Variants in PLXNA4 observed in about 807,000 individuals in gnomAD.
PLXNA4 encodes the protein plexin-A4.
Under a neutral mutation model 191.8 loss-of-function variants are expected in PLXNA4, and 44 were observed. The ratio of observed to expected loss-of-function variants is 0.23; its 90% CI spans 0.18 to 0.29. The LOEUF is 0.29. Ranked by LOEUF, PLXNA4 falls within the 10% of genes least tolerant of loss-of-function variation. PLXNA4 has a pLI of 1.00. For synonymous variants in PLXNA4, 1,082 were observed against 1,009.5 expected (o/e 1.07, Z -1.36); for missense variants, 1,800 against 2,488.8 (o/e 0.72, Z 5.89).
chr7:132,147,793 C>A, intron 27 of PLXNA4, 107 bp downstream of exon 27: 1 of 1,443,928 alleles, frequency 6.9e-7, no homozygotes, highest in Non-Finnish European at 9.5e-7. Flanking sequence ...CTGTCTGATG[C>A]CCCATCTCCC....
intron 3 of PLXNA4, among the ~76,000 whole-genome samples, chr7:132,307,628 C>G (rs1801577089): frequency 6.6e-6 from 1 of 151,960 alleles, no homozygotes; most frequent in South Asian, 2.1e-4. Context: ...GGAAACTGCC[C>G]AGCCAGGCCC....
At chr7:132,441,168 T>G (rs1003679268) in intron 3 of PLXNA4, among the ~76,000 whole-genome samples, 1 of 152,210 alleles carries the variant, frequency 6.6e-6, no homozygotes, top group Non-Finnish European at 1.5e-5. Context: ...GAACTAGAAC[T>G]GAAGTCTCCT....
chr7:132,536,780 A>C (rs115447457), intron 1 of PLXNA4, among the ~76,000 whole-genome samples: 2 of 152,206 alleles, frequency 1.3e-5, no homozygotes, highest in Non-Finnish European at 2.9e-5. Flanking sequence ...TAAGCGAGGA[A>C]ATGCTGCCCT....
chr7:132,578,838 G>T (rs1409124936), upstream of PLXNA4, among the ~76,000 whole-genome samples: 5 of 152,146 alleles, frequency 3.3e-5, no homozygotes, highest in Non-Finnish European at 5.9e-5. Flanking sequence ...AAGCTTACAT[G>T]AATACATTGA....
intron 4 of PLXNA4, among the ~76,000 whole-genome samples, chr7:132,253,317 C>T (rs530193672): frequency 1.3e-4 from 19 of 149,790 alleles, no homozygotes; most frequent in Non-Finnish European, 2.5e-4. Context: ...CTCACTGCAA[C>T]TTCTGCCTCC....
In PLXNA4 at chr7:132,168,159, T is replaced by C. The variant is rs534483767; in HGVS notation, c.4286+145A>G. 1.1e-4 allele frequency: 138 copies of C among 1,216,220 alleles called. No homozygotes were observed. In the East Asian group the frequency reaches 3.6e-3, roughly 32 times the overall value. The allele number at this position is 1,216,220 out of a possible 1,614,324, so 75.3% of individuals were successfully genotyped here. On this transcript the variant is annotated intron_variant, in intron 22 of 31. Transcript: ENST00000321063. ...CAGGTTCTTCTAAGGGGGCCTGCAA[T>C]GTAGTCCTGGCTCTGGGCTAGTTAG...
intron 1 of PLXNA4, among the ~76,000 whole-genome samples, chr7:132,574,508 G>A (rs932046402): frequency 2.0e-5 from 3 of 152,230 alleles, no homozygotes; most frequent in Non-Finnish European, 4.4e-5. Context: ...GCGGGGGCGG[G>A]GAGCTGACCA....
chr7:132,254,251 T>C (rs1316043636), intron 4 of PLXNA4, among the ~76,000 whole-genome samples: 4 of 152,190 alleles, frequency 2.6e-5, no homozygotes, highest in Non-Finnish European at 1.5e-5. Context: ...CTCAAAAAAG[T>C]ACAGTGATAT....
At chr7:132,621,260 GTTTT>G (rs371428336) in intron 2 of PLXNA4, among the ~76,000 whole-genome samples, 50,688 of 131,522 alleles carry the variant, frequency 0.39, 9,332 homozygotes, top group Non-Finnish European at 0.48. Context: ...TTTTTTTTTG[GTTTT>G]TTTGTTTTTT....
Position 132,626,785 on chromosome 7 carries a change from G to C in PLXNA4, c.-87+19143C>G, listed in dbSNP as rs559543401. ...GTCAATCCCTAATGGGATTGCTTCA[G>C]CTGCAGAGAACTGTCTCACTCAAGG... On this transcript the variant is annotated intron_variant, in intron 2 of 4. Transcript: ENST00000378539. Among the ~76,000 whole-genome samples the C allele has an allele frequency of 2.6e-5, 4 of 152,244 alleles. No individual in the cohort carries two copies. The East Asian group carries it at 5.8e-4, about 22-fold the overall frequency.
chr7:132,487,091 C>A (rs1179558975), intron 3 of PLXNA4, among the ~76,000 whole-genome samples: 1 of 152,170 alleles, frequency 6.6e-6, no homozygotes, highest in Admixed American at 6.5e-5. Flanking sequence ...AAACACCTTC[C>A]TTTTTCCAAG....
chr7:132,609,626 A>G (rs1803007861), intron 2 of PLXNA4, among the ~76,000 whole-genome samples: 1 of 152,238 alleles, frequency 6.6e-6, no homozygotes, highest in Non-Finnish European at 1.5e-5. Flanking sequence ...GAATTAGACT[A>G]ATAGATATTA....
rs1794695455 is a variant in PLXNA4, at chr7:132,123,695, G to C, written c.*6784C>G. Reference sequence around the variant, plus strand: ...TTGTTCTAACAAAGGGTCAATGTTCGAGGTGGGAGCTTTAGTTTGAAACAG... The same window carrying C: ...TTGTTCTAACAAAGGGTCAATGTTCCAGGTGGGAGCTTTAGTTTGAAACAG... On this transcript the variant is annotated 3_prime_UTR_variant, in exon 32 of 32. Coordinates refer to ENST00000321063, the MANE Select transcript of PLXNA4 (RefSeq NM_020911.2). 6.6e-6 allele frequency: 1 copy of C among 152,094 alleles called. No homozygotes were observed. The highest frequency in any genetic ancestry group is 2.4e-5 in the African/African-American group (1 of 41,400). 9.4% of individuals were successfully genotyped at this position (152,094 alleles called of 1,614,324 possible). A position where few individuals can be genotyped will look rare whatever the true frequency, so the allele number is the denominator to read the frequency against.
At position 132,127,549 on chromosome 7, in the gene PLXNA4, C is replaced by G. The variant is rs746938358; in HGVS notation, c.*2930G>C. ...CTTTGCTTTTAAATACCATATCACA[C>G]GTGCACCAAGAATCCAAACGGAAGA... On this transcript the variant is annotated 3_prime_UTR_variant, in exon 32 of 32. Coordinates refer to ENST00000321063, the MANE Select transcript of PLXNA4 (RefSeq NM_020911.2). 1 of 152,142 alleles carries G rather than the reference C, an allele frequency of 6.6e-6. No individual in the cohort carries two copies. The highest frequency in any genetic ancestry group is 1.5e-5 in the Non-Finnish European group (1 of 68,030). The allele number at this position is 152,142 out of a possible 1,614,324, so 9.4% of individuals were successfully genotyped here.
intron 3 of PLXNA4, among the ~76,000 whole-genome samples, chr7:132,448,246 C>G (rs1795985151): frequency 6.6e-6 from 1 of 152,172 alleles, no homozygotes; most frequent in African/African-American, 2.4e-5. Context: ...GTGAAGTGGT[C>G]AGTGGTGACC....
intron 3 of PLXNA4, among the ~76,000 whole-genome samples, chr7:132,386,975 G>C (rs1805176542): frequency 6.6e-6 from 1 of 152,226 alleles, no homozygotes; most frequent in Non-Finnish European, 1.5e-5. Context: ...CAAATTACTA[G>C]AAGAGTGAAA....
intron 4 of PLXNA4, among the ~76,000 whole-genome samples, chr7:132,273,918 A>G (rs1158587477): frequency 6.6e-6 from 1 of 152,118 alleles, no homozygotes; most frequent in East Asian, 1.9e-4. Flanking sequence ...TTTATTTATA[A>G]TTTGAACTGG....
intron 2 of PLXNA4, among the ~76,000 whole-genome samples, chr7:132,499,365 T>C (rs989492707): frequency 6.6e-6 from 1 of 152,226 alleles, no homozygotes; most frequent in Non-Finnish European, 1.5e-5. Context: ...TGGGGGCTGG[T>C]TTAGCAACCA....
At chr7:132,157,076 T>C (rs1404616572) in intron 25 of PLXNA4, among the ~76,000 whole-genome samples, 1 of 152,174 alleles carries the variant, frequency 6.6e-6, no homozygotes, top group East Asian at 1.9e-4. Context: ...CTGTCCCTGG[T>C]GTGGGGATCT....
Sources: gnomAD v4.1 joint callset for allele counts (sites outside exome capture counted in the v4.1 genomes callset) on GRCh38, gnomAD v4.1.1 for gene constraint, MANE v1.5 for transcripts, NCBI Gene and HGNC (gene_info 2026-07-23, HGNC 2026-07-21) for gene names.